Variants in TRIM9 observed in about 807,000 individuals in gnomAD.
The protein encoded by TRIM9 is E3 ubiquitin-protein ligase TRIM9.
TRIM9 carries 26 observed loss-of-function variants against 78.3 expected under a neutral mutation model. The observed-to-expected ratio is 0.33, with a 90% CI of 0.24 to 0.46. The LOEUF (loss-of-function observed/expected upper bound fraction) is 0.46. Ranked by LOEUF, TRIM9 falls within the 20% of genes least tolerant of loss-of-function variation. TRIM9 has a pLI of 1.00. For missense variants in TRIM9, 787 were observed against 1,036.4 expected, an observed-to-expected ratio of 0.76 and a Z score of 3.30; for synonymous variants, 398 against 416.5, an observed-to-expected ratio of 0.96 and a Z score of 0.54.
intron 3 of TRIM9, among the ~76,000 whole-genome samples, chr14:51,013,658 G>T (rs2056835852): frequency 6.6e-6 from 1 of 151,826 alleles, no homozygotes; most frequent in African/African-American, 2.4e-5. Flanking sequence ...AGTTTTGGGG[G>T]GATCAAATTT....
chr14:51,027,085 A>G (rs1247686797), intron 1 of TRIM9, among the ~76,000 whole-genome samples: 1 of 149,980 alleles, frequency 6.7e-6, no homozygotes, highest in Non-Finnish European at 1.5e-5. Context: ...CTATTACCCT[A>G]CTGGTGCACA....
At chr14:50,996,538 G>C in intron 7 of TRIM9, 2 of 985,382 alleles carry the variant, frequency 2.0e-6, no homozygotes, top group South Asian at 4.7e-5. Context: ...TAGCAACATT[G>C]CTACAAATTT....
chr14:51,025,647 C>A (rs577208097), intron 1 of TRIM9, among the ~76,000 whole-genome samples: 1 of 152,290 alleles, frequency 6.6e-6, no homozygotes, highest in African/African-American at 2.4e-5. Context: ...ATTAATTAAA[C>A]AATCATTTAT....
At chr14:51,069,704 A>C (rs554498807) in intron 1 of TRIM9, among the ~76,000 whole-genome samples, 1 of 152,352 alleles carries the variant, frequency 6.6e-6, no homozygotes, top group East Asian at 1.9e-4. Context: ...AAGATCTGCC[A>C]ACCCTGTGCC....
intron 1 of TRIM9, among the ~76,000 whole-genome samples, chr14:51,051,114 T>C (rs1434929295): frequency 6.6e-6 from 1 of 152,228 alleles, no homozygotes; most frequent in Non-Finnish European, 1.5e-5. Context: ...CTAAGCATGA[T>C]GAAAAGTCAT....
intron 5 of TRIM9, among the ~76,000 whole-genome samples, chr14:51,008,125 G>A (rs1295440395): frequency 6.6e-6 from 1 of 152,126 alleles, no homozygotes; most frequent in African/African-American, 2.4e-5. Context: ...AAAGATTAGG[G>A]GTTTCCAGAG....
At chr14:51,071,409 G>T (rs1308558802) in intron 1 of TRIM9, among the ~76,000 whole-genome samples, 7 of 142,870 alleles carry the variant, frequency 4.9e-5, no homozygotes, top group Non-Finnish European at 7.7e-5. Flanking sequence ...AAAAAGACAA[G>T]ACAAAAGAAA....
At chr14:51,036,134 G>A (rs113585546) in intron 1 of TRIM9, among the ~76,000 whole-genome samples, 10 of 152,274 alleles carry the variant, frequency 6.6e-5, no homozygotes, top group African/African-American at 2.4e-4. Context: ...GAGGCAAAAA[G>A]TGGCTCTTCC....
chr14:50,996,322 A>G, intron 7 of TRIM9: 1 of 985,444 alleles, frequency 1.0e-6, no homozygotes, highest in Non-Finnish European at 1.2e-6. Flanking sequence ...CAAGGATCGC[A>G]GTTCCAATCC....
Position 51,094,137 on chromosome 14 carries a change from G to C in TRIM9, c.803C>G (p.Ala268Gly). 1 of 1,613,144 alleles carries C rather than the reference G, an allele frequency of 6.2e-7. No homozygotes were observed. Among genetic ancestry groups the C allele is most frequent in the Non-Finnish European group, 8.5e-7 (1 of 1,179,250 alleles). The change falls in exon 1 of 13, where the codon GCC becomes GGC. Residue 268 changes from alanine to glycine, a missense_variant. By Grantham distance (60) the Ala-to-Gly change is moderately conservative. Around this residue, in one of 3 missense-constraint regions of TRIM9, gnomAD observed 352 missense variants for 472.3 expected, o/e 0.75. Transcript: ENST00000684578. ...HSSHEVKALG[A>G]MWKLHKSQLS... Reference sequence around the variant, plus strand: ...ACTCACCTTATGTAGTTTCCACATGGCCCCCAGAGCCTTGACTTCGTGGCT... The same window carrying C: ...ACTCACCTTATGTAGTTTCCACATGCCCCCCAGAGCCTTGACTTCGTGGCT...
intron 1 of TRIM9, among the ~76,000 whole-genome samples, chr14:51,075,019 A>T (rs766019258): frequency 1.3e-5 from 2 of 152,216 alleles, no homozygotes; most frequent in Non-Finnish European, 1.5e-5. Flanking sequence ...TTATCCAAAG[A>T]GACTCTTGTC....
intron 1 of TRIM9, among the ~76,000 whole-genome samples, chr14:51,045,785 A>G (rs578179990): frequency 6.6e-6 from 1 of 152,360 alleles, no homozygotes; most frequent in African/African-American, 2.4e-5. Flanking sequence ...TTTGTAATAA[A>G]TAATTTTTTT....
At position 51,094,172 on chromosome 14, in the gene TRIM9, G is replaced by C. The variant is rs1380199757; in HGVS notation, c.768C>G (p.Gly256=). 1 of 1,614,230 alleles carries C rather than the reference G, an allele frequency of 6.2e-7. No individual in the cohort carries two copies. Among genetic ancestry groups the C allele is most frequent in the South Asian group, 1.1e-5 (1 of 91,088 alleles). ...MPVCYQCLEE[G]KHSSHEVKAL... is the part of the protein sequence containing the mutation. ...CCTTGACTTCGTGGCTGGAGTGTTT[G>C]CCCTCCTCCAAGCACTGGTAGCACA... is the stretch of plus-strand genomic sequence containing the variant. The change falls in exon 1 of 13, where the codon GGC becomes GGG. Residue 256 remains glycine, a synonymous_variant. Coordinates refer to ENST00000684578, the MANE Select transcript of TRIM9 (RefSeq NM_001387360.1).
chr14:51,066,425 A>G (rs2061746438), intron 1 of TRIM9, among the ~76,000 whole-genome samples: 3 of 152,082 alleles, frequency 2.0e-5, no homozygotes, highest in Non-Finnish European at 1.5e-5. Flanking sequence ...CTCTTCTTCA[A>G]ACTCCTTCAC....
At chr14:50,997,987 C>A (rs760496407) in intron 7 of TRIM9, 63 bp downstream of exon 7, 2 of 1,606,296 alleles carry the variant, frequency 1.2e-6, no homozygotes, top group South Asian at 2.2e-5. Flanking sequence ...TACCTCCGGG[C>A]TTGCCAGCCA....
rs904868990 is a variant in TRIM9 at position 50,976,706 on chromosome 14, G to A, written c.*585C>T. ...GTGAACCTGTGTAGCGGATATTTTT[G>A]TGCTTCAATGAGTAGTAAAACTTCT... On this transcript the variant is annotated 3_prime_UTR_variant, in exon 13 of 13. Transcript: ENST00000684578. 1.3e-5 allele frequency: 2 copies of A among 152,624 alleles called. No homozygotes were observed. Among genetic ancestry groups the A allele is most frequent in the African/African-American group, 4.8e-5 (2 of 41,426 alleles). 9.5% of individuals were successfully genotyped at this position (152,624 alleles called of 1,614,324 possible).
intron 5 of TRIM9, among the ~76,000 whole-genome samples, chr14:51,005,147 C>T (rs17802520): frequency 0.036 from 5,537 of 152,260 alleles, 155 homozygotes; most frequent in Non-Finnish European, 0.055. Context: ...CCATGCATTT[C>T]AGGCTATCAG....
At chr14:50,995,525 AC>A (rs2054094729) in intron 7 of TRIM9, among the ~76,000 whole-genome samples, 1 of 152,220 alleles carries the variant, frequency 6.6e-6, no homozygotes. Context: ...GCATAACGTT[AC>A]CTTTAGATCA....
chr14:51,034,164 T>C (rs2058958003), intron 1 of TRIM9, among the ~76,000 whole-genome samples: 1 of 152,178 alleles, frequency 6.6e-6, no homozygotes, highest in Admixed American at 6.5e-5. Context: ...AGTTTTTGGC[T>C]TCTAAGGCTT....
Sources: allele counts gnomAD v4.1 joint callset (sites outside exome capture counted in the v4.1 genomes callset), GRCh38; gene constraint gnomAD v4.1.1; regional missense constraint gnomAD v4.1.1; transcripts MANE v1.5; gene names NCBI Gene and HGNC (gene_info 2026-07-23, HGNC 2026-07-21).